ZCCHC14: variants seen among roughly 807,000 people sequenced by gnomAD.
ZCCHC14 encodes the protein zinc finger CCHC domain-containing protein 14.
A neutral mutation model predicts 85.0 loss-of-function variants in ZCCHC14; 16 were observed. The ratio of observed to expected loss-of-function variants is 0.19; its 90% CI spans 0.13 to 0.29. The LOEUF is 0.29. Among genes scored for constraint, ZCCHC14 ranks in the 10% least tolerant of loss-of-function variants. The probability of loss-of-function intolerance (pLI) is 1.00; values close to 1 mark genes in which losing one functional copy is unlikely to be tolerated. For missense variants in ZCCHC14, 1,303 were observed against 1,443.5 expected, an observed-to-expected ratio of 0.90 and a Z score of 1.58; for synonymous variants, 775 against 630.7, an observed-to-expected ratio of 1.23 and a Z score of -3.43.
intron 3 of ZCCHC14, among the ~76,000 whole-genome samples, chr16:87,431,397 C>G (rs1254045473): frequency 1.4e-5 from 2 of 145,134 alleles, no homozygotes; most frequent in African/African-American, 5.0e-5. Flanking sequence ...GGTGTGAACC[C>G]GGGAGGCGGA....
In ZCCHC14 at chr16:87,450,057, G is replaced by C. The variant is rs570716681; in HGVS notation, c.694+9951C>G. On this transcript the variant is annotated intron_variant, in intron 2 of 12. Coordinates refer to ENST00000671377, the MANE Select transcript of ZCCHC14 (RefSeq NM_015144.3). ...GTAAGACCCTGTCTCAAAAAACAAAGAGAAAAAGAACAGCATTGTTTTCCA... is the reference window on the plus strand; with the variant it reads ...GTAAGACCCTGTCTCAAAAAACAAACAGAAAAAGAACAGCATTGTTTTCCA... Among the ~76,000 whole-genome samples, 4 of 152,188 alleles carry C rather than the reference G, an allele frequency of 2.6e-5. No homozygotes were observed. In the South Asian group the frequency reaches 8.3e-4, roughly 32 times the overall value.
chr16:87,481,530 GGGGGGGGGGGGTGGGGGGGGGGAAGGGT>G (rs1912269632), intron 1 of ZCCHC14, among the ~76,000 whole-genome samples: 1 of 25,136 alleles, frequency 4.0e-5, no homozygotes, highest in South Asian at 2.7e-3. Flanking sequence ...GAGAAACGGG[GGGGGGGGGGGGTGGGGGGGGGGAAGGGT>G]AAGCGGGAGG....
intron 3 of ZCCHC14, 88 bp from the exon 4 acceptor site, chr16:87,423,969 T>C: frequency 1.4e-6 from 2 of 1,426,112 alleles, no homozygotes; most frequent in Non-Finnish European, 1.9e-6. Flanking sequence ...GGGGCACACG[T>C]TCAGTCGGCA....
chr16:87,446,697 C>T (rs183809442), intron 2 of ZCCHC14, among the ~76,000 whole-genome samples: 2,442 of 148,756 alleles, frequency 0.016, 25 homozygotes, highest in Middle Eastern at 0.047. Context: ...AACTGACTTT[C>T]TTTTTTTTTT....
chr16:87,467,082 G>A (rs1418799407), intron 1 of ZCCHC14: 16 of 510,226 alleles, frequency 3.1e-5, no homozygotes, highest in South Asian at 3.0e-4. Context: ...ACAGGGTCCC[G>A]CTATGTTGCC....
chr16:87,457,186 C>T (rs754582828), intron 2 of ZCCHC14, among the ~76,000 whole-genome samples: 9 of 152,196 alleles, frequency 5.9e-5, no homozygotes, highest in Admixed American at 3.9e-4. Context: ...AATCTCTACT[C>T]CTGAACTGGA....
intron 2 of ZCCHC14, among the ~76,000 whole-genome samples, chr16:87,436,455 G>A (rs1027953238): frequency 6.6e-6 from 1 of 152,278 alleles, no homozygotes; most frequent in Admixed American, 6.5e-5. Context: ...CCAGGCACAA[G>A]GAGTGAGGGG....
At chr16:87,463,316 A>C (rs1257415711) in intron 1 of ZCCHC14, among the ~76,000 whole-genome samples, 1 of 152,076 alleles carries the variant, frequency 6.6e-6, no homozygotes, top group East Asian at 1.9e-4. Flanking sequence ...CAGGAGTTTG[A>C]AGCTGCAGTG....
intron 2 of ZCCHC14, 33 bp from the exon 3 acceptor site, chr16:87,433,234 T>C (rs1468774728): frequency 1.3e-6 from 2 of 1,594,728 alleles, no homozygotes; most frequent in East Asian, 2.2e-5. Flanking sequence ...AAAAATGAAA[T>C]AAGAGCTTGA....
At chr16:87,487,583 C>A (rs895798287) in intron 1 of ZCCHC14, among the ~76,000 whole-genome samples, 2 of 152,232 alleles carry the variant, frequency 1.3e-5, no homozygotes, top group Admixed American at 6.5e-5. Flanking sequence ...CCAGGTGGAA[C>A]AGGAGCCCTC....
At chr16:87,467,610 G>T in intron 1 of ZCCHC14, 1 of 1,201,970 alleles carries the variant, frequency 8.3e-7, no homozygotes, top group South Asian at 1.2e-5. Context: ...ATCTGGAGAT[G>T]ACAACTTGAC....
chr16:87,445,938 T>G (rs1879339466), intron 2 of ZCCHC14, among the ~76,000 whole-genome samples: 1 of 152,222 alleles, frequency 6.6e-6, no homozygotes, highest in Admixed American at 6.5e-5. Flanking sequence ...TCCTATCATC[T>G]TCCCAATTGA....
chr16:87,422,208 A>G (rs1001418651), intron 4 of ZCCHC14, among the ~76,000 whole-genome samples: 1 of 152,190 alleles, frequency 6.6e-6, no homozygotes, highest in African/African-American at 2.4e-5. Context: ...AGAAATGAGG[A>G]CTTGAGTACA....
chr16:87,457,044 A>G (rs1195728342), intron 2 of ZCCHC14, among the ~76,000 whole-genome samples: 1 of 152,186 alleles, frequency 6.6e-6, no homozygotes, highest in Non-Finnish European at 1.5e-5. Context: ...GTAAATCATC[A>G]ACACAGGGAC....
intron 2 of ZCCHC14, among the ~76,000 whole-genome samples, chr16:87,448,482 G>A (rs1264793521): frequency 1.3e-5 from 2 of 152,074 alleles, no homozygotes; most frequent in Admixed American, 6.6e-5. Context: ...TTTTCTTCCC[G>A]TGCGTACTGA....
At position 87,406,310 on chromosome 16, in the gene ZCCHC14, T is replaced by C. The variant is rs1908199119; in HGVS notation, c.*3970A>G. On this transcript the variant is annotated 3_prime_UTR_variant, in exon 13 of 13. Transcript: ENST00000671377. ...TACTCATAAAAACATTCTAAAAATG[T>C]ACAATTTGTCCTTTTTAACAAAGTA... 6.6e-6 allele frequency: 1 copy of C among 152,620 alleles called. No homozygotes were observed. The highest frequency in any genetic ancestry group is 1.5e-5 in the Non-Finnish European group (1 of 68,042). 9.5% of individuals were successfully genotyped at this position (152,620 alleles called of 1,614,324 possible). A position where few individuals can be genotyped will look rare whatever the true frequency, so the allele number is the denominator to read the frequency against.
At chr16:87,430,157 C>T (rs987254362) in intron 3 of ZCCHC14, among the ~76,000 whole-genome samples, 2 of 152,166 alleles carry the variant, frequency 1.3e-5, no homozygotes, top group African/African-American at 2.4e-5. Flanking sequence ...AGTGTGTTTC[C>T]TCCCAGTAGT....
Position 87,447,818 on chromosome 16 carries a change from G to C in ZCCHC14, c.694+12190C>G, listed in dbSNP as rs187167354. Among the ~76,000 whole-genome samples the C allele has an allele frequency of 2.6e-5, 4 of 152,280 alleles. No homozygotes were observed. The East Asian group carries it at 7.7e-4, about 29-fold the overall frequency. On this transcript the variant is annotated intron_variant, in intron 2 of 12. Transcript: ENST00000671377. ...GTTGTACCATTTAATCCTCCCATCA[G>C]CTGCGGATGAAAGCTCCAGCTGCTT...
At chr16:87,433,741 A>G (rs546727015) in intron 2 of ZCCHC14, among the ~76,000 whole-genome samples, 11 of 152,052 alleles carry the variant, frequency 7.2e-5, no homozygotes, top group African/African-American at 2.7e-4. Context: ...TCCTGGGTTC[A>G]AGCGATTCTC....
Sources: gnomAD v4.1 joint callset for allele counts (sites outside exome capture counted in the v4.1 genomes callset) on GRCh38, gnomAD v4.1.1 for gene constraint, MANE v1.5 for transcripts, NCBI Gene and HGNC (gene_info 2026-07-23, HGNC 2026-07-21) for gene names.